CTNNA3: variants seen among roughly 807,000 people sequenced by gnomAD.
CTNNA3 encodes catenin alpha-3.
In CTNNA3, 76 loss-of-function variants were observed where a neutral mutation model predicts 95.7. That is an observed-to-expected ratio of 0.79 (90% CI 0.66 to 0.96). CTNNA3 has a LOEUF of 0.96. Ranked by LOEUF, CTNNA3 falls within the 40% of genes least tolerant of loss-of-function variation. The pLI is 0.00. For missense variants in CTNNA3, 1,191 were observed against 1,089.8 expected (o/e 1.09, Z -1.31); for synonymous variants, 431 against 374.4 (o/e 1.15, Z -1.74).
chr10:66,043,956 CTGTGTGTGTGTG>C (rs59559225), intron 15 of CTNNA3, among the ~76,000 whole-genome samples: 36,308 of 144,438 alleles, frequency 0.25, 4,480 homozygotes, highest in South Asian at 0.33. Context: ...TAGGACTATG[CTGTGTGTGTGTG>C]TGTGTGTGTG....
At position 66,766,284 on chromosome 10, in the gene CTNNA3, G is replaced by A. The variant is rs1418585138; in HGVS notation, c.1261C>T (p.His421Tyr). The A allele has an allele frequency of 1.2e-6, 2 of 1,613,706 alleles. No homozygotes were observed. Among genetic ancestry groups the A allele is most frequent in the African/African-American group, 1.3e-5 (1 of 74,892 alleles). Reference sequence around the variant, plus strand: ...CTTACCTCTACAAGCCTGCTGGTGTGTTCATGAAATATCGCAGCATATTCT... The same window carrying A: ...CTTACCTCTACAAGCCTGCTGGTGTATTCATGAAATATCGCAGCATATTCT... The part of the protein sequence containing the change: ...IKEYAAIFHE[H>Y]TSRLVEVANL... The change falls in exon 9 of 18, where the codon CAC becomes TAC. Residue 421 changes from histidine (H) to tyrosine (Y), a missense_variant. Coordinates refer to ENST00000433211, the MANE Select transcript of CTNNA3 (RefSeq NM_013266.4).
chr10:67,653,055 G>T (rs896326099), intron 1 of CTNNA3, among the ~76,000 whole-genome samples: 11 of 152,220 alleles, frequency 7.2e-5, no homozygotes, highest in African/African-American at 2.7e-4. Flanking sequence ...TCATGGTTCT[G>T]CAGGCTATAC....
chr10:67,381,007 T>G (rs938878028), intron 5 of CTNNA3, among the ~76,000 whole-genome samples: 16 of 152,282 alleles, frequency 1.1e-4, no homozygotes, highest in Admixed American at 1.0e-3. Context: ...CAAGCTCCAT[T>G]ACCACAGTCC....
intron 9 of CTNNA3, among the ~76,000 whole-genome samples, chr10:66,708,202 C>G (rs1218150641): frequency 6.6e-6 from 1 of 150,504 alleles, no homozygotes; most frequent in East Asian, 2.0e-4. Context: ...TCATACAGAG[C>G]TTTTTTGGCT....
At chr10:67,341,585 C>G (rs772568769) in intron 5 of CTNNA3, among the ~76,000 whole-genome samples, 4 of 152,114 alleles carry the variant, frequency 2.6e-5, no homozygotes, top group South Asian at 2.1e-4. Context: ...TTTTCTTTAT[C>G]CATTCATCTG....
At chr10:66,758,947 C>G (rs2132756746) in intron 9 of CTNNA3, among the ~76,000 whole-genome samples, 1 of 152,056 alleles carries the variant, frequency 6.6e-6, no homozygotes, top group East Asian at 1.9e-4. Flanking sequence ...AACAAACAAA[C>G]AAACAAACGA....
chr10:67,752,680 C>A (rs952694991), intron 1 of CTNNA3, among the ~76,000 whole-genome samples: 1 of 152,070 alleles, frequency 6.6e-6, no homozygotes, highest in Non-Finnish European at 1.5e-5. Flanking sequence ...TATACACCAA[C>A]AATAGACAAA....
chr10:67,428,929 G>A (rs909401483), intron 5 of CTNNA3, among the ~76,000 whole-genome samples: 4 of 151,880 alleles, frequency 2.6e-5, no homozygotes, highest in Admixed American at 2.6e-4. Context: ...AGGACCTTGT[G>A]ATCATGTAAG....
chr10:67,611,474 T>C (rs7072104), intron 2 of CTNNA3, among the ~76,000 whole-genome samples: 67,727 of 151,942 alleles, frequency 0.45, 18,954 homozygotes, highest in African/African-American at 0.8. Flanking sequence ...CCACCACGCC[T>C]GGCTAATTTT....
intron 7 of CTNNA3, chr10:67,015,203 T>A (rs1852583141): frequency 6.6e-6 from 1 of 152,160 alleles, no homozygotes; most frequent in South Asian, 2.1e-4. Flanking sequence ...TTAACATGCT[T>A]TCATTATCAT....
At chr10:67,710,206 C>T (rs1384418698) in intron 1 of CTNNA3, among the ~76,000 whole-genome samples, 3 of 152,044 alleles carry the variant, frequency 2.0e-5, no homozygotes, top group Non-Finnish European at 4.4e-5. Flanking sequence ...ACAGCCCCAC[C>T]CAGACTGGCA....
chr10:67,757,340 T>C (rs1182827610), intron 1 of CTNNA3, among the ~76,000 whole-genome samples: 1 of 152,212 alleles, frequency 6.6e-6, no homozygotes, highest in African/African-American at 2.4e-5. Flanking sequence ...GGCTAACGGA[T>C]GCTGTGATGG....
At chr10:66,117,353 T>C (rs2082385319) in intron 13 of CTNNA3, among the ~76,000 whole-genome samples, 1 of 152,222 alleles carries the variant, frequency 6.6e-6, no homozygotes. Context: ...ATATTATATA[T>C]GCTACTAATA....
intron 7 of CTNNA3, among the ~76,000 whole-genome samples, chr10:66,900,858 C>T (rs1845711910): frequency 1.3e-5 from 2 of 152,120 alleles, no homozygotes. Flanking sequence ...AACAAAGTCT[C>T]CAAGAAATAT....
chr10:67,623,685 G>A (rs564946119), intron 2 of CTNNA3, among the ~76,000 whole-genome samples: 2 of 151,974 alleles, frequency 1.3e-5, no homozygotes, highest in Admixed American at 1.3e-4. Context: ...ATGAGAGAGT[G>A]CAGCACAGAA....
At chr10:65,971,258 A>G (rs2078095269) in intron 16 of CTNNA3, among the ~76,000 whole-genome samples, 1 of 151,864 alleles carries the variant, frequency 6.6e-6, no homozygotes, top group African/African-American at 2.4e-5. Context: ...GAGGAGCAAG[A>G]AAAACAAGAA....
intron 1 of CTNNA3, among the ~76,000 whole-genome samples, chr10:67,703,778 C>T (rs1400775940): frequency 6.6e-6 from 1 of 152,088 alleles, no homozygotes; most frequent in Non-Finnish European, 1.5e-5. Flanking sequence ...CTGGCCAGGG[C>T]AATCAGGCAG....
chr10:67,432,917 T>C (rs1846162043), intron 5 of CTNNA3, among the ~76,000 whole-genome samples: 1 of 151,768 alleles, frequency 6.6e-6, no homozygotes, highest in African/African-American at 2.4e-5. Context: ...ATTTGGGGAG[T>C]TTTTTCTACA....
chr10:67,172,246 C>T (rs1445248034), intron 7 of CTNNA3, among the ~76,000 whole-genome samples: 2 of 152,184 alleles, frequency 1.3e-5, no homozygotes, highest in Admixed American at 6.5e-5. Context: ...ACTTAGCATT[C>T]ATCAGTATTA....
Sources: gnomAD v4.1 joint callset for allele counts (sites outside exome capture counted in the v4.1 genomes callset) on GRCh38, gnomAD v4.1.1 for gene constraint, MANE v1.5 for transcripts, NCBI Gene and HGNC (gene_info 2026-07-23, HGNC 2026-07-21) for gene names.